CHD9: variants seen among roughly 807,000 people sequenced by gnomAD.
CHD9 encodes chromodomain helicase DNA binding protein 9.
Under a neutral mutation model 316.1 loss-of-function variants are expected in CHD9, and 77 were observed. The ratio of observed to expected loss-of-function variants is 0.24; its 90% CI spans 0.20 to 0.29. The LOEUF (loss-of-function observed/expected upper bound fraction) is 0.29, where lower values mean the gene tolerates loss of function less well. Ranked by LOEUF, CHD9 falls within the 10% of genes least tolerant of loss-of-function variation. CHD9 has a pLI of 1.00. For missense variants in CHD9, 2,763 were observed against 3,438.1 expected, an observed-to-expected ratio of 0.80 and a Z score of 4.91; for synonymous variants, 1,129 against 1,158.3, an observed-to-expected ratio of 0.97 and a Z score of 0.51.
intron 36 of CHD9, among the ~76,000 whole-genome samples, chr16:53,315,619 C>T (rs57446624): frequency 0.032 from 4,912 of 152,154 alleles, 97 homozygotes; most frequent in Middle Eastern, 0.071. Context: ...GCTGGGACCA[C>T]AGGTGCACAC....
chr16:53,245,573 C>CT lies in CHD9; in HGVS notation c.3199-17dup. The CT allele has an allele frequency of 6.5e-7, 1 of 1,538,678 alleles. No homozygotes were observed. Among genetic ancestry groups the CT allele is most frequent in the Non-Finnish European group, 8.7e-7 (1 of 1,147,396 alleles). Reference sequence around the variant, plus strand: ...TTAAATGCTCACTTATGTTATATGTCTTTTTATCATTTTTTATTCAGGTAC... The same window carrying CT: ...TTAAATGCTCACTTATGTTATATGTCTTTTTTATCATTTTTTATTCAGGTAC... On this transcript the variant is annotated intron_variant, in intron 14 of 38. Transcript: ENST00000447540. This position sits in a 1 kb window ranked among gnomAD's most constrained non-coding sequence, Gnocchi z 4.1.
At chr16:53,200,505 AT>A (rs1336379087) in intron 2 of CHD9, among the ~76,000 whole-genome samples, 1 of 152,038 alleles carries the variant, frequency 6.6e-6, no homozygotes, top group Non-Finnish European at 1.5e-5. Context: ...GCCAAGATTT[AT>A]GAGTCTATAT....
intron 3 of CHD9, among the ~76,000 whole-genome samples, chr16:53,216,291 A>G (rs2046758413): frequency 6.6e-6 from 1 of 152,164 alleles, no homozygotes; most frequent in Non-Finnish European, 1.5e-5. Context: ...CTACTGAAAC[A>G]TCTGATTTCC....
rs2042099087 is a variant in CHD9, at chr16:53,163,978, G to C, written c.1452+6437G>C. Among the ~76,000 whole-genome samples, 5 of 152,236 alleles carry C rather than the reference G, an allele frequency of 3.3e-5. No homozygotes were observed. The South Asian group carries it at 1.0e-3, about 32-fold the overall frequency. ...GCATGGTTGGAAACTGAGATACAGA[G>C]AAGTTAAGTAATAAACCCCAAGTCA... is the stretch of plus-strand genomic sequence containing the variant. On this transcript the variant is annotated intron_variant, in intron 2 of 38. Coordinates refer to ENST00000447540, the MANE Select transcript of CHD9 (RefSeq NM_001308319.2).
At chr16:53,251,470 C>T (rs1411637491) in intron 17 of CHD9, among the ~76,000 whole-genome samples, 1 of 152,112 alleles carries the variant, frequency 6.6e-6, no homozygotes, top group African/African-American at 2.4e-5. Context: ...AATATTTGGC[C>T]TCTTGTACTT....
chr16:53,200,544 GGAA>G (rs2045365726), intron 2 of CHD9, among the ~76,000 whole-genome samples: 1 of 152,046 alleles, frequency 6.6e-6, no homozygotes. Flanking sequence ...TAAATTAAAA[GGAA>G]GAAGAGACAG....
chr16:53,179,621 G>A (rs1041411532), intron 2 of CHD9, among the ~76,000 whole-genome samples: 1 of 152,094 alleles, frequency 6.6e-6, no homozygotes. Flanking sequence ...AAGCAGCCAG[G>A]CACAGTGGCT....
intron 24 of CHD9, among the ~76,000 whole-genome samples, chr16:53,284,904 T>C (rs935643585): frequency 1.3e-5 from 2 of 152,138 alleles, no homozygotes; most frequent in Non-Finnish European, 2.9e-5. Context: ...TAGCTGAGAC[T>C]ACAGGTGTGC....
intron 30 of CHD9, 77 bp downstream of exon 30, chr16:53,297,235 C>A: frequency 9.4e-7 from 1 of 1,059,096 alleles, no homozygotes. Flanking sequence ...TCCAATTTGT[C>A]TCTTTTATGT....
chr16:53,157,369 A>C lies in CHD9; in HGVS notation c.1280A>C (p.Asn427Thr). ...GATGAGTCAACATTCGGACAAGATAATTCAAGTCACATTTTAGATCATGAC... is the reference window on the plus strand; with the variant it reads ...GATGAGTCAACATTCGGACAAGATACTTCAAGTCACATTTTAGATCATGAC... ...HFDESTFGQD[N>T]SSHILDHDLD... Residue 427 changes from asparagine (N) to threonine (T), a missense_variant, in exon 2 of 39, where the codon AAT becomes ACT. This residue lies in a region of CHD9 where 859 missense variants were observed against 890.4 expected (regional missense o/e 0.96). Transcript: ENST00000447540. 2 of 1,614,000 alleles carry C rather than the reference A, an allele frequency of 1.2e-6. No homozygotes were observed.
chr16:53,203,886 T>A (rs2045653443), intron 2 of CHD9, among the ~76,000 whole-genome samples: 1 of 150,790 alleles, frequency 6.6e-6, no homozygotes, highest in South Asian at 2.1e-4. Context: ...TAGCCGGGCG[T>A]GGTGGCGGGC....
At chr16:53,255,821 A>G (rs754200819) in intron 19 of CHD9, 42 bp downstream of exon 19, 1 of 1,550,532 alleles carries the variant, frequency 6.4e-7, no homozygotes, top group Non-Finnish European at 8.9e-7. Flanking sequence ...AGTGATGTTC[A>G]CATCCTAACT....
intron 24 of CHD9, among the ~76,000 whole-genome samples, chr16:53,281,820 C>G (rs1284086416): frequency 6.6e-6 from 1 of 152,170 alleles, no homozygotes; most frequent in African/African-American, 2.4e-5. Flanking sequence ...CGGATCTCAA[C>G]TCAAGTATTT....
chr16:53,055,600 T>G (rs1269151052), intron 1 of CHD9, among the ~76,000 whole-genome samples: 2 of 151,630 alleles, frequency 1.3e-5, no homozygotes, highest in East Asian at 3.9e-4. Flanking sequence ...TTGAGGACCC[T>G]TGATCTAAGG....
At chr16:53,192,955 G>A (rs1248545032) in intron 2 of CHD9, among the ~76,000 whole-genome samples, 4 of 151,224 alleles carry the variant, frequency 2.6e-5, no homozygotes, top group Non-Finnish European at 5.9e-5. Context: ...GCTTTTTTTT[G>A]TTAACCATAT....
At chr16:53,089,227 A>T (rs1202971956) in intron 1 of CHD9, among the ~76,000 whole-genome samples, 2 of 152,174 alleles carry the variant, frequency 1.3e-5, no homozygotes, top group Admixed American at 1.3e-4. Flanking sequence ...TCGAGACTGC[A>T]GTGAGCTATG....
intron 24 of CHD9, among the ~76,000 whole-genome samples, chr16:53,279,768 T>A: frequency 6.6e-6 from 1 of 151,974 alleles, no homozygotes; most frequent in East Asian, 1.9e-4. Flanking sequence ...ATCTTCATAA[T>A]CTGTACATCT....
At chr16:53,120,498 A>T (rs1211547502) in intron 1 of CHD9, among the ~76,000 whole-genome samples, 1 of 152,204 alleles carries the variant, frequency 6.6e-6, no homozygotes, top group Non-Finnish European at 1.5e-5. Flanking sequence ...CTGTAATCCC[A>T]GCTACTAAGG....
At position 53,071,526 on chromosome 16, in the gene CHD9, G is replaced by A. The variant is rs373846839; in HGVS notation, c.-165+16449G>A. The stretch of plus-strand genomic sequence containing the variant: ...AATAGTAAAATATTCCCTCAGGTGA[G>A]CCCTCCTGGGGGCCAGCAAAGACTT... On this transcript the variant is annotated intron_variant, in intron 1 of 38. Coordinates refer to ENST00000447540, the MANE Select transcript of CHD9 (RefSeq NM_001308319.2). Among the ~76,000 whole-genome samples the A allele has an allele frequency of 4.9e-4, 74 of 152,276 alleles. No individual in the cohort carries two copies. In the South Asian group the frequency reaches 0.015, roughly 30 times the overall value.
Sources: gnomAD v4.1 joint callset for allele counts (sites outside exome capture counted in the v4.1 genomes callset) on GRCh38, gnomAD v4.1.1 for gene constraint, gnomAD v4.1.1 regional missense constraint, Gnocchi (gnomAD v3.1) non-coding constraint, MANE v1.5 for transcripts, NCBI Gene and HGNC (gene_info 2026-07-23, HGNC 2026-07-21) for gene names.